DCHS2: variants seen among roughly 807,000 people sequenced by gnomAD.
DCHS2 encodes dachsous cadherin-related 2.
In DCHS2, 142 loss-of-function variants were observed where a neutral mutation model predicts 182.4. The observed-to-expected ratio is 0.78, with a 90% CI of 0.68 to 0.89. DCHS2 has a LOEUF of 0.89. Among genes scored for constraint, DCHS2 ranks in the 40% least tolerant of loss-of-function variants. DCHS2 has a pLI of 0.00. For missense variants in DCHS2, 4,319 were observed against 4,198.6 expected (o/e 1.03, Z -0.79); for synonymous variants, 1,740 against 1,663.3 (o/e 1.05, Z -1.12).
chr4:154,322,209 C>T (rs1160824818), intron 8 of DCHS2, 122 bp downstream of exon 8: 1 of 1,337,302 alleles, frequency 7.5e-7, no homozygotes, highest in Non-Finnish European at 1.0e-6. Flanking sequence ...AAATAGTATT[C>T]ATGTAACATA....
chr4:154,391,310 C>A lies in DCHS2; in HGVS notation c.2053-13866G>T, dbSNP rs922357923. On this transcript the variant is annotated intron_variant, in intron 1 of 19. Coordinates refer to ENST00000357232, the MANE Select transcript of DCHS2 (RefSeq NM_001358235.2). Reference sequence around the variant, plus strand: ...CATCCAGTCTCATGATTTTAAATATCTCCTATATGAGGGTAGCTTCAACTT... The same window carrying A: ...CATCCAGTCTCATGATTTTAAATATATCCTATATGAGGGTAGCTTCAACTT... 3.2e-6 allele frequency: 5 copies of A among 1,573,464 alleles called. No individual in the cohort carries two copies. The South Asian group carries it at 3.5e-5, about 11-fold the overall frequency.
rs771684791 is a variant in DCHS2, at chr4:154,239,152, C to A, written c.7492+18G>T. ...AAACCCAAACCTATGAGCATTAATG[C>A]AATTATAAATAACTCACCATTCTTA... On this transcript the variant is annotated intron_variant, in intron 19 of 19. Coordinates refer to ENST00000357232, the MANE Select transcript of DCHS2 (RefSeq NM_001358235.2). The A allele has an allele frequency of 2.5e-6, 4 of 1,604,864 alleles. No individual in the cohort carries two copies. In the Admixed American group the frequency reaches 6.9e-5, roughly 28 times the overall value.
chr4:154,343,795 G>A (rs543289664), intron 3 of DCHS2: 92 of 835,312 alleles, frequency 1.1e-4, no homozygotes, highest in Non-Finnish European at 1.3e-4. Context: ...GTTCACTGGA[G>A]TATACTTTTA....
At chr4:154,277,562 TC>T (rs1337292787) in intron 13 of DCHS2, among the ~76,000 whole-genome samples, 7 of 150,510 alleles carry the variant, frequency 4.7e-5, no homozygotes, top group Non-Finnish European at 8.8e-5. Flanking sequence ...GTAAAGATCT[TC>T]CTTTGCACAA....
chr4:154,317,833 C>T (rs576990560), intron 9 of DCHS2, among the ~76,000 whole-genome samples: 1 of 152,096 alleles, frequency 6.6e-6, no homozygotes, highest in Admixed American at 6.6e-5. Flanking sequence ...TGCAGAGTAC[C>T]TGACAGTGAA....
At chr4:154,414,191 A>C (rs1263301591) in intron 1 of DCHS2, among the ~76,000 whole-genome samples, 1 of 137,040 alleles carries the variant, frequency 7.3e-6, no homozygotes, top group African/African-American at 3.2e-5. Context: ...ATATATATAT[A>C]TATATAGAGA....
chr4:154,376,523 A>C (rs917273226), intron 2 of DCHS2, among the ~76,000 whole-genome samples: 6 of 152,226 alleles, frequency 3.9e-5, no homozygotes, highest in African/African-American at 1.4e-4. Flanking sequence ...AATTATACTT[A>C]AGAGTAATCA....
At position 154,451,981 on chromosome 4, in the gene DCHS2, A is replaced by G. The variant is rs879918108; in HGVS notation, c.2052+37323T>C. On this transcript the variant is annotated intron_variant, in intron 1 of 19. Transcript: ENST00000357232. ...AGAGAAAGAGTTTAATATCAAGAGG[A>G]CAGGATGACTTGTTCTGTTGATACC... Among the ~76,000 whole-genome samples the G allele has an allele frequency of 6.6e-5, 10 of 152,190 alleles. 1 individual carries two copies. Among genetic ancestry groups the G allele is most frequent in the Admixed American group, 6.5e-4 (10 of 15,286 alleles).
At chr4:154,345,635 A>G (rs1159616633) in intron 3 of DCHS2, among the ~76,000 whole-genome samples, 3 of 148,906 alleles carry the variant, frequency 2.0e-5, no homozygotes, top group African/African-American at 7.5e-5. Context: ...ACCTATCATA[A>G]CCTGTGGTAT....
At chr4:154,257,587 C>G (rs560159265) in intron 15 of DCHS2, among the ~76,000 whole-genome samples, 41 of 152,234 alleles carry the variant, frequency 2.7e-4, no homozygotes, top group South Asian at 1.0e-3. Context: ...ATCTTGATGA[C>G]AACACCCCCA....
intron 3 of DCHS2, among the ~76,000 whole-genome samples, chr4:154,341,169 C>A (rs1332741888): frequency 6.6e-6 from 1 of 151,972 alleles, no homozygotes; most frequent in Non-Finnish European, 1.5e-5. Flanking sequence ...GAGATGGAGA[C>A]CATCCTGGCT....
intron 1 of DCHS2, among the ~76,000 whole-genome samples, chr4:154,488,177 C>CA (rs1243689110): frequency 5.6e-5 from 8 of 143,302 alleles, no homozygotes; most frequent in African/African-American, 1.8e-4. Flanking sequence ...GACCTTGTCT[C>CA]AAAAAAATAA....
At chr4:154,486,067 G>A (rs2111046134) in intron 1 of DCHS2, among the ~76,000 whole-genome samples, 1 of 152,344 alleles carries the variant, frequency 6.6e-6, no homozygotes, top group South Asian at 2.1e-4. Flanking sequence ...GGGGTGGATT[G>A]TTAAGAAGAG....
intron 3 of DCHS2, chr4:154,352,416 G>GA (rs1462625229): frequency 6.6e-6 from 1 of 152,152 alleles, no homozygotes; most frequent in East Asian, 1.9e-4. Flanking sequence ...TGTCCTTACA[G>GA]AAAAATCAAG....
intron 1 of DCHS2, among the ~76,000 whole-genome samples, chr4:154,448,789 G>A (rs13133450): frequency 0.03 from 4,572 of 152,240 alleles, 86 homozygotes; most frequent in Non-Finnish European, 0.045. Flanking sequence ...TTTGTTTGCC[G>A]AATGAATTTC....
Position 154,231,963 on chromosome 4 carries a change from A to T in DCHS2, c.*2573T>A, listed in dbSNP as rs1228816624. ...ACTAGGACATGGAATTTTGATATCC[A>T]TTTGGTACTGATTTACACCAGTATT... On this transcript the variant is annotated 3_prime_UTR_variant, in exon 20 of 20. Transcript: ENST00000357232. 6.6e-6 allele frequency: 1 copy of T among 152,138 alleles called. No homozygotes were observed. The highest frequency in any genetic ancestry group is 1.5e-5 in the Non-Finnish European group (1 of 68,018). 9.4% of individuals were successfully genotyped at this position (152,138 alleles called of 1,614,324 possible).
At position 154,298,313 on chromosome 4, in the gene DCHS2, A is replaced by G. The variant is rs138100919; in HGVS notation, c.6001T>C (p.Ser2001Pro). 1,134 of 1,614,188 alleles carry G rather than the reference A, an allele frequency of 7.0e-4. 2 individuals are homozygous for G. The highest frequency in any genetic ancestry group is 8.8e-4 in the Non-Finnish European group (1,042 of 1,180,008). Residue 2001 changes from serine (S) to proline (P), a missense_variant, in exon 13 of 20, where the codon TCT (serine) becomes CCT (proline). Physicochemically the swap from Ser to Pro is moderately conservative, Grantham distance 74. Coordinates refer to ENST00000357232, the MANE Select transcript of DCHS2 (RefSeq NM_001358235.2). ...TSNTLDREARSQHTFSAVARD... is the reference protein window; with the variant it reads ...TSNTLDREARPQHTFSAVARD... ...GCCACAGCACTAAATGTATGCTGAG[A>G]TCTGGCTTCACGGTCGAGGGTGTTG...
intron 1 of DCHS2, among the ~76,000 whole-genome samples, chr4:154,440,555 C>A (rs959888357): frequency 1.3e-5 from 2 of 152,130 alleles, no homozygotes; most frequent in African/African-American, 4.8e-5. Context: ...TACCATGACC[C>A]TTTGGAGGGC....
At chr4:154,341,546 T>A (rs1220280971) in intron 3 of DCHS2, among the ~76,000 whole-genome samples, 5 of 151,940 alleles carry the variant, frequency 3.3e-5, no homozygotes, top group African/African-American at 1.2e-4. Context: ...GTAGAGACCA[T>A]CACTCTATAT....
Sources: gnomAD v4.1 joint callset for allele counts (sites outside exome capture counted in the v4.1 genomes callset) on GRCh38, gnomAD v4.1.1 for gene constraint, MANE v1.5 for transcripts, NCBI Gene and HGNC (gene_info 2026-07-23, HGNC 2026-07-21) for gene names.